Variants in CNBD1 observed in about 807,000 individuals in gnomAD.
CNBD1 encodes cyclic nucleotide-binding domain-containing protein 1.
CNBD1 carries 71 observed loss-of-function variants against 54.4 expected under a neutral mutation model. That is an observed-to-expected ratio of 1.30 (90% CI 1.08 to 1.59). CNBD1 has a LOEUF of 1.59. Among genes scored for constraint, CNBD1 ranks in the 40% most tolerant of loss-of-function variants. The pLI is 0.00. For synonymous variants in CNBD1, 182 were observed against 170.7 expected (o/e 1.07, Z -0.51); for missense variants, 659 against 518.0 (o/e 1.27, Z -2.64).
At chr8:87,229,591 T>G (rs776611034) in intron 5 of CNBD1, among the ~76,000 whole-genome samples, 1 of 152,188 alleles carries the variant, frequency 6.6e-6, no homozygotes, top group Non-Finnish European at 1.5e-5. Context: ...CTCTTTGAAT[T>G]CTATTTTGAG....
intron 4 of CNBD1, among the ~76,000 whole-genome samples, chr8:86,980,549 T>C (rs1808464717): frequency 6.6e-6 from 1 of 152,202 alleles, no homozygotes; most frequent in Non-Finnish European, 1.5e-5. Context: ...AGAGATAAAG[T>C]TTATTCTAAT....
At chr8:87,366,007 T>C (rs1453264723) in intron 10 of CNBD1, among the ~76,000 whole-genome samples, 2 of 152,094 alleles carry the variant, frequency 1.3e-5, no homozygotes, top group Admixed American at 1.3e-4. Flanking sequence ...CCAAATATTC[T>C]CAGTTGGGAT....
intron 4 of CNBD1, 176 bp downstream of exon 4, chr8:86,939,930 G>T: frequency 2.4e-6 from 1 of 422,290 alleles, no homozygotes; most frequent in Non-Finnish European, 4.2e-6. Context: ...CAGTCTTCAT[G>T]AATTCAGTCT....
chr8:87,333,917 A>C (rs917565657), intron 8 of CNBD1, among the ~76,000 whole-genome samples: 1 of 152,100 alleles, frequency 6.6e-6, no homozygotes, highest in African/African-American at 2.4e-5. Context: ...CCTTTTCAAT[A>C]GTTTGAAATA....
intron 5 of CNBD1, among the ~76,000 whole-genome samples, chr8:87,213,467 A>C (rs1379298423): frequency 6.6e-6 from 1 of 152,146 alleles, no homozygotes; most frequent in Non-Finnish European, 1.5e-5. Flanking sequence ...AGCAAGACAC[A>C]TCTTACATGG....
intron 4 of CNBD1, among the ~76,000 whole-genome samples, chr8:87,002,059 A>G (rs550914415): frequency 4.5e-4 from 69 of 152,314 alleles, no homozygotes; most frequent in African/African-American, 1.5e-3. Context: ...TTCTATAGAA[A>G]TGTTATTTAC....
rs139721512 is a variant in CNBD1, at chr8:87,133,993, CATTG to C, written c.432-71995_432-71992del. Among the ~76,000 whole-genome samples, 721 of 152,164 alleles carry C rather than the reference CATTG, an allele frequency of 4.7e-3. 3 individuals are homozygous for C. The highest frequency in any genetic ancestry group is 0.017 in the African/African-American group (687 of 41,520). On this transcript the variant is annotated intron_variant, in intron 4 of 10. Transcript: ENST00000518476. ...CACTTCAGTTTCTGCTTTATACTTCCATTGATTGGTGTTAAAATTGGCTTAGGAA... is the reference window on the plus strand; with the variant it reads ...CACTTCAGTTTCTGCTTTATACTTCCATTGGTGTTAAAATTGGCTTAGGAA...
At chr8:87,290,667 A>G (rs1050287190) in intron 8 of CNBD1, among the ~76,000 whole-genome samples, 2 of 152,152 alleles carry the variant, frequency 1.3e-5, no homozygotes, top group African/African-American at 4.8e-5. Flanking sequence ...AGTAACAAAT[A>G]CTGCCAGGTT....
At chr8:86,984,805 A>G (rs1808568337) in intron 4 of CNBD1, among the ~76,000 whole-genome samples, 5 of 152,210 alleles carry the variant, frequency 3.3e-5, no homozygotes, top group Admixed American at 3.3e-4. Context: ...TTGATTTTAC[A>G]GGCTCATAGG....
intron 4 of CNBD1, among the ~76,000 whole-genome samples, chr8:86,950,208 G>A (rs371396255): frequency 4.0e-5 from 6 of 151,520 alleles, no homozygotes; most frequent in African/African-American, 7.3e-5. Flanking sequence ...TTACAGGTGC[G>A]TGCCACCACG....
chr8:87,068,425 A>G (rs1810697678), intron 4 of CNBD1, among the ~76,000 whole-genome samples: 1 of 152,030 alleles, frequency 6.6e-6, no homozygotes, highest in South Asian at 2.1e-4. Context: ...AATCTTTACA[A>G]CAAATCTTTT....
intron 4 of CNBD1, among the ~76,000 whole-genome samples, chr8:87,027,833 A>T (rs1809684054): frequency 6.6e-6 from 1 of 152,250 alleles, no homozygotes; most frequent in Non-Finnish European, 1.5e-5. Flanking sequence ...TACTGTATCA[A>T]ACATAAAGTC....
chr8:87,286,816 T>C, intron 8 of CNBD1, 145 bp downstream of exon 8: 1 of 649,506 alleles, frequency 1.5e-6, no homozygotes, highest in South Asian at 1.9e-5. Context: ...GAATTGGACA[T>C]TTAGATTATT....
chr8:87,047,843 ACAG>A (rs1810229241), intron 4 of CNBD1, among the ~76,000 whole-genome samples: 2 of 152,212 alleles, frequency 1.3e-5, no homozygotes. Context: ...GCAATACCTG[ACAG>A]CAGATCTCAA....
downstream of CNBD1, among the ~76,000 whole-genome samples, chr8:87,384,303 A>C (rs112148744): frequency 0.015 from 2,287 of 152,230 alleles, 59 homozygotes; most frequent in African/African-American, 0.049. Context: ...CACTCTTCTA[A>C]GAACTGAGAA....
intron 5 of CNBD1, among the ~76,000 whole-genome samples, chr8:87,224,704 C>G (rs1383295597): frequency 6.6e-6 from 1 of 151,210 alleles, no homozygotes; most frequent in Non-Finnish European, 1.5e-5. Context: ...TCTTTTGGCT[C>G]AGGATTGACT....
At chr8:87,290,100 CTT>C (rs1192969440) in intron 8 of CNBD1, among the ~76,000 whole-genome samples, 1 of 152,016 alleles carries the variant, frequency 6.6e-6, no homozygotes, top group Non-Finnish European at 1.5e-5. Flanking sequence ...TTTTTACTAA[CTT>C]AATTCCAGTT....
At chr8:87,229,139 G>T (rs1284850810) in intron 5 of CNBD1, among the ~76,000 whole-genome samples, 5 of 152,072 alleles carry the variant, frequency 3.3e-5, no homozygotes, top group Admixed American at 3.3e-4. Flanking sequence ...ACTGACCTGC[G>T]CCCGCTGTCT....
At chr8:87,190,248 AT>A (rs1216804826) in intron 4 of CNBD1, among the ~76,000 whole-genome samples, 2 of 152,166 alleles carry the variant, frequency 1.3e-5, no homozygotes, top group Non-Finnish European at 2.9e-5. Context: ...ATGCTATCAA[AT>A]TTCAGCAAGT....
Sources: gnomAD v4.1 joint callset for allele counts (sites outside exome capture counted in the v4.1 genomes callset) on GRCh38, gnomAD v4.1.1 for gene constraint, MANE v1.5 for transcripts, NCBI Gene and HGNC (gene_info 2026-07-23, HGNC 2026-07-21) for gene names.